The following RAPGEF2 variants were observed in gnomAD, a reference collection of about 807,000 sequenced individuals.
RAPGEF2 encodes Rap guanine nucleotide exchange factor 2.
A neutral mutation model predicts 186.7 loss-of-function variants in RAPGEF2; 54 were observed. The observed-to-expected ratio is 0.29, with a 90% CI of 0.23 to 0.36. The LOEUF is 0.36. Ranked by LOEUF, RAPGEF2 falls within the 10% of genes least tolerant of loss-of-function variation. The pLI is 1.00. For synonymous variants in RAPGEF2, 712 were observed against 705.9 expected (o/e 1.01, Z -0.14); for missense variants, 1,532 against 2,045.0 (o/e 0.75, Z 4.84).
intron 1 of RAPGEF2, among the ~76,000 whole-genome samples, chr4:159,125,806 A>G (rs1286434734): frequency 6.6e-6 from 1 of 152,056 alleles, no homozygotes; most frequent in East Asian, 1.9e-4. Context: ...TGCATCTATG[A>G]CAATTTTATC....
At position 159,314,668 on chromosome 4, in the gene RAPGEF2, TGAA is replaced by T. The variant is rs1764336477; in HGVS notation, c.759_761del (p.Glu253del). The T allele has an allele frequency of 6.2e-7, 1 of 1,613,908 alleles. No individual in the cohort carries two copies. The highest frequency in any genetic ancestry group is 1.7e-5 in the Admixed American group (1 of 59,994). On this transcript the variant is annotated inframe_deletion, in exon 9 of 30. Transcript: ENST00000691494. ...CAGTGGATTCCGAAGACGACGACGA[TGAA>T]GAAGACATTGAGAGAGCATCAGATC...
chr4:159,312,476 A>G (rs1203932616), intron 8 of RAPGEF2, among the ~76,000 whole-genome samples: 1 of 152,014 alleles, frequency 6.6e-6, no homozygotes, highest in Non-Finnish European at 1.5e-5. Context: ...ATCAAGTTCT[A>G]CTTCAGTTTC....
chr4:159,354,972 A>C (rs1731757616), intron 28 of RAPGEF2, among the ~76,000 whole-genome samples: 1 of 152,206 alleles, frequency 6.6e-6, no homozygotes, highest in Non-Finnish European at 1.5e-5. Context: ...ATTAGTAGGA[A>C]AATTGTAGTT....
chr4:159,153,913 C>T (rs898371067), intron 1 of RAPGEF2, among the ~76,000 whole-genome samples: 2 of 152,088 alleles, frequency 1.3e-5, no homozygotes, highest in Non-Finnish European at 1.5e-5. Flanking sequence ...GGTATACAGT[C>T]GATGTTCAAT....
intron 8 of RAPGEF2, among the ~76,000 whole-genome samples, chr4:159,308,895 G>A (rs1327338266): frequency 2.0e-5 from 3 of 152,146 alleles, no homozygotes; most frequent in African/African-American, 4.8e-5. Flanking sequence ...CAGGTAGAGA[G>A]TTTTAAGGAG....
At chr4:159,280,589 C>G (rs1759558908) in intron 7 of RAPGEF2, among the ~76,000 whole-genome samples, 1 of 152,202 alleles carries the variant, frequency 6.6e-6, no homozygotes, top group African/African-American at 2.4e-5. Context: ...ACTCCTTTCT[C>G]TGTATTGTTC....
chr4:159,304,827 A>G (rs1422368294), intron 8 of RAPGEF2, among the ~76,000 whole-genome samples: 3 of 152,034 alleles, frequency 2.0e-5, no homozygotes, highest in Admixed American at 6.6e-5. Context: ...GTAATTTCTC[A>G]TTATGCACCC....
intron 7 of RAPGEF2, among the ~76,000 whole-genome samples, chr4:159,270,501 CA>C (rs1302979891): frequency 6.6e-6 from 1 of 152,066 alleles, no homozygotes; most frequent in Non-Finnish European, 1.5e-5. Context: ...TTGACTGCAG[CA>C]GGTAGTGCAG....
At chr4:159,170,756 G>A (rs1288962162) in intron 1 of RAPGEF2, among the ~76,000 whole-genome samples, 2 of 151,928 alleles carry the variant, frequency 1.3e-5, no homozygotes, top group Admixed American at 1.3e-4. Flanking sequence ...TTACTTTTGG[G>A]GTCATTTCCA....
chr4:159,174,802 A>AATGGAGTGCATTGGCACAGT (rs1746291385), intron 1 of RAPGEF2, among the ~76,000 whole-genome samples: 1 of 148,854 alleles, frequency 6.7e-6, no homozygotes, highest in African/African-American at 2.5e-5. Context: ...TGTTGCCCAG[A>AATGGAGTGCATTGGCACAGT]ATGGAGTGCA....
intron 3 of RAPGEF2, among the ~76,000 whole-genome samples, chr4:159,204,784 T>C (rs1749799728): frequency 6.6e-6 from 1 of 152,176 alleles, no homozygotes; most frequent in African/African-American, 2.4e-5. Context: ...TGTGGTCAAA[T>C]TCTGAGATTC....
chr4:159,336,339 C>T (rs1767410970), intron 17 of RAPGEF2, among the ~76,000 whole-genome samples: 1 of 152,092 alleles, frequency 6.6e-6, no homozygotes, highest in Non-Finnish European at 1.5e-5. Flanking sequence ...CCTTCCCCTT[C>T]TGAGTCTCCA....
In RAPGEF2 at chr4:159,164,230, T is replaced by A. The variant is rs1745042760; in HGVS notation, c.70-22412T>A. Among the ~76,000 whole-genome samples, 3 of 151,606 alleles carry A rather than the reference T, an allele frequency of 2.0e-5. No homozygotes were observed. The South Asian group carries it at 6.2e-4, about 32-fold the overall frequency. On this transcript the variant is annotated intron_variant, in intron 1 of 29. Coordinates refer to ENST00000691494, the MANE Select transcript of RAPGEF2 (RefSeq NM_001394067.2). ...CGTGTTAGCCAGGATGGTCTCGATG[T>A]CCTGACCTTGTGATCCGCCCGCCTC...
chr4:159,246,123 T>G (rs1438091816), intron 7 of RAPGEF2, among the ~76,000 whole-genome samples: 1 of 152,166 alleles, frequency 6.6e-6, no homozygotes, highest in Non-Finnish European at 1.5e-5. Flanking sequence ...AAAGGATATC[T>G]CCCACACATT....
Position 159,343,388 on chromosome 4 carries a change from C to T in RAPGEF2, c.3238C>T (p.Leu1080Phe). The change falls in exon 22 of 30, where the codon CTC becomes TTC. Residue 1080 changes from leucine (L) to phenylalanine (F), a missense_variant. This residue lies in a region of RAPGEF2 where 117 missense variants were observed against 180.8 expected (regional missense o/e 0.65). Coordinates refer to ENST00000691494, the MANE Select transcript of RAPGEF2 (RefSeq NM_001394067.2). The part of the protein sequence containing the change: ...RMASVNMDPA[L>F]MFRTRKKKWR... ...GGCTTCAGTGAACATGGACCCTGCC[C>T]TCATGTTCAGGACTCGGTGAGTATG... The T allele has an allele frequency of 6.2e-7, 1 of 1,614,026 alleles. No homozygotes were observed. Among genetic ancestry groups the T allele is most frequent in the Non-Finnish European group, 8.5e-7 (1 of 1,179,938 alleles).
intron 6 of RAPGEF2, among the ~76,000 whole-genome samples, chr4:159,243,539 T>A (rs1754261709): frequency 6.6e-6 from 1 of 151,976 alleles, no homozygotes; most frequent in African/African-American, 2.4e-5. Context: ...GGGTGAAAAG[T>A]TTATTTAAAA....
chr4:159,287,406 C>T (rs899820936), intron 7 of RAPGEF2, among the ~76,000 whole-genome samples: 2 of 152,002 alleles, frequency 1.3e-5, no homozygotes, highest in Non-Finnish European at 2.9e-5. Flanking sequence ...TTTAGAAATA[C>T]AGACATTCTA....
intron 1 of RAPGEF2, among the ~76,000 whole-genome samples, chr4:159,112,335 C>T (rs1382853454): frequency 1.3e-5 from 2 of 151,708 alleles, no homozygotes; most frequent in African/African-American, 4.8e-5. Context: ...GTTGTGATAG[C>T]ATACCACATT....
At chr4:159,171,001 G>T (rs1745857270) in intron 1 of RAPGEF2, among the ~76,000 whole-genome samples, 2 of 152,144 alleles carry the variant, frequency 1.3e-5, no homozygotes, top group Admixed American at 1.3e-4. Context: ...TTGAGAATCA[G>T]TTGACTGTAA....
Sources: gnomAD v4.1 joint callset for allele counts (sites outside exome capture counted in the v4.1 genomes callset) on GRCh38, gnomAD v4.1.1 for gene constraint, gnomAD v4.1.1 regional missense constraint, MANE v1.5 for transcripts, NCBI Gene and HGNC (gene_info 2026-07-23, HGNC 2026-07-21) for gene names.